Variants in ZNF431 observed in about 807,000 individuals in gnomAD.
ZNF431 encodes the protein zinc finger protein 431.
ZNF431 carries 34 observed loss-of-function variants against 57.0 expected under a neutral mutation model. The observed-to-expected ratio is 0.60, with a 90% CI of 0.45 to 0.79. ZNF431 has a LOEUF of 0.79. Among genes scored for constraint, ZNF431 ranks in the 30% least tolerant of loss-of-function variants. The probability of loss-of-function intolerance (pLI) is 0.00; values close to 1 mark genes in which losing one functional copy is unlikely to be tolerated. For synonymous variants in ZNF431, 207 were observed against 220.3 expected, an observed-to-expected ratio of 0.94 and a Z score of 0.54; for missense variants, 607 against 667.1, an observed-to-expected ratio of 0.91 and a Z score of 0.99.
At chr19:21,175,192 A>G (rs1045596386) in intron 4 of ZNF431, among the ~76,000 whole-genome samples, 4 of 152,134 alleles carry the variant, frequency 2.6e-5, no homozygotes, top group Admixed American at 2.6e-4. Flanking sequence ...CTGGGTTGCA[A>G]ATGTTTGCCA....
intron 2 of ZNF431, among the ~76,000 whole-genome samples, chr19:21,156,022 C>T (rs974031094): frequency 6.6e-6 from 1 of 152,142 alleles, no homozygotes; most frequent in Non-Finnish European, 1.5e-5. Flanking sequence ...ACAGGATTCC[C>T]ACCCACACCC....
intron 4 of ZNF431, among the ~76,000 whole-genome samples, chr19:21,174,334 T>C (rs1288402166): frequency 6.6e-6 from 1 of 152,208 alleles, no homozygotes; most frequent in Non-Finnish European, 1.5e-5. Flanking sequence ...AAATGATGTC[T>C]TGATCGCCAC....
intron 4 of ZNF431, among the ~76,000 whole-genome samples, chr19:21,173,577 C>T (rs1373944809): frequency 6.6e-6 from 1 of 151,838 alleles, no homozygotes; most frequent in East Asian, 1.9e-4. Context: ...CTGTTGTCAC[C>T]CAGGCAATTG....
intron 4 of ZNF431, among the ~76,000 whole-genome samples, chr19:21,181,655 A>G (rs1971213918): frequency 6.7e-6 from 1 of 150,200 alleles, no homozygotes; most frequent in Non-Finnish European, 1.5e-5. Flanking sequence ...TTTCCTTTAC[A>G]ATTTCTGTTT....
At chr19:21,144,329 G>C (rs1040715994) in intron 2 of ZNF431, among the ~76,000 whole-genome samples, 1 of 151,756 alleles carries the variant, frequency 6.6e-6, no homozygotes, top group Non-Finnish European at 1.5e-5. Context: ...CTCCTAAGTA[G>C]CTGAGATTAC....
At chr19:21,179,782 A>T (rs776128746) in intron 4 of ZNF431, among the ~76,000 whole-genome samples, 1 of 151,046 alleles carries the variant, frequency 6.6e-6, no homozygotes, top group African/African-American at 2.4e-5. Flanking sequence ...CTGGTCTCGA[A>T]CTCCCGACCT....
At position 21,184,103 on chromosome 19, in the gene ZNF431, G is replaced by C. The variant is rs1971298850; in HGVS notation, c.*69G>C. On this transcript the variant is annotated 3_prime_UTR_variant, in exon 5 of 5. Coordinates refer to ENST00000311048, the MANE Select transcript of ZNF431 (RefSeq NM_133473.4). ...GGTGGCTTATGCAAAATGGCTCCCA[G>C]CATTTTGGGAGGCTGAGGTGGGTGG... 1 of 1,389,366 alleles carries C rather than the reference G, an allele frequency of 7.2e-7. No individual in the cohort carries two copies. The highest frequency in any genetic ancestry group is 1.5e-5 in the South Asian group (1 of 66,016). The allele number at this position is 1,389,366 out of a possible 1,614,324, so 86.1% of individuals were successfully genotyped here. A position where few individuals can be genotyped will look rare whatever the true frequency, so the allele number is the denominator to read the frequency against.
chr19:21,152,210 G>T (rs1461283900), intron 2 of ZNF431, among the ~76,000 whole-genome samples: 1 of 152,134 alleles, frequency 6.6e-6, no homozygotes, highest in Non-Finnish European at 1.5e-5. Context: ...AGGCAAGATG[G>T]TTACTCTGAG....
At chr19:21,165,523 G>C (rs755354667) in intron 2 of ZNF431, among the ~76,000 whole-genome samples, 3 of 152,194 alleles carry the variant, frequency 2.0e-5, no homozygotes, top group Non-Finnish European at 4.4e-5. Flanking sequence ...TCTTCTGTGT[G>C]CATCAGCACA....
Position 21,167,664 on chromosome 19 carries a change from C to G in ZNF431, c.317C>G (p.Pro106Arg), listed in dbSNP as rs761370746. The change falls in exon 4 of 5, where the codon CCA becomes CGA. Residue 106 changes from proline to arginine, a missense_variant and splice_region_variant. By Grantham distance (103) the Pro-to-Arg change is moderately radical (BLOSUM62 -2). Coordinates refer to ENST00000311048, the MANE Select transcript of ZNF431 (RefSeq NM_133473.4). ...MKRHEMVDEP[P>R]AMCSYFTKDL... Reference sequence around the variant, plus strand: ...AGACATGAGATGGTGGATGAACCCCCAGGTAGGTGAGAGTGAAAAAAAACA... The same window carrying G: ...AGACATGAGATGGTGGATGAACCCCGAGGTAGGTGAGAGTGAAAAAAAACA... 6.4e-7 allele frequency: 1 copy of G among 1,552,616 alleles called. No homozygotes were observed. Among genetic ancestry groups the G allele is most frequent in the Non-Finnish European group, 8.7e-7 (1 of 1,148,572 alleles).
chr19:21,171,797 G>A (rs143930822), intron 4 of ZNF431, among the ~76,000 whole-genome samples: 6,244 of 141,544 alleles, frequency 0.044, 219 homozygotes, highest in Non-Finnish European at 0.065. Context: ...CTCGGCTCAC[G>A]GCAACCTCCA....
At chr19:21,146,666 C>T (rs1293024598) in intron 2 of ZNF431, among the ~76,000 whole-genome samples, 1 of 152,170 alleles carries the variant, frequency 6.6e-6, no homozygotes, top group Non-Finnish European at 1.5e-5. Context: ...TCACTCTCGT[C>T]ACATCTTGGT....
In ZNF431 at chr19:21,184,899, C is replaced by T. The variant is rs553767062; in HGVS notation, c.*865C>T. On this transcript the variant is annotated 3_prime_UTR_variant, in exon 5 of 5. Coordinates refer to ENST00000311048, the MANE Select transcript of ZNF431 (RefSeq NM_133473.4). ...TATAAAAAGGGTTGTAGTGCCTTTACTTGTATCACAGATCTTTTTGTAGAC... is the reference window on the plus strand; with the variant it reads ...TATAAAAAGGGTTGTAGTGCCTTTATTTGTATCACAGATCTTTTTGTAGAC... 1.8e-3 allele frequency: 280 copies of T among 152,260 alleles called. 1 individual carries two copies. Among genetic ancestry groups the T allele is most frequent in the African/African-American group, 6.5e-3 (272 of 41,548 alleles). The allele number at this position is 152,260 out of a possible 1,614,324, so 9.4% of individuals were successfully genotyped here.
In ZNF431 at chr19:21,189,266, CA is replaced by C. The variant is rs770691001; in HGVS notation, c.*5233del. ...TTGGGAGGCCGAGGCAGGCAGATCA[CA>C]TGAGGTCAGGAGTTCGGGACCAGCC... On this transcript the variant is annotated 3_prime_UTR_variant, in exon 5 of 5. Coordinates refer to ENST00000311048, the MANE Select transcript of ZNF431 (RefSeq NM_133473.4). 4 of 152,288 alleles carry C rather than the reference CA, an allele frequency of 2.6e-5. No individual in the cohort carries two copies. The highest frequency in any genetic ancestry group is 5.9e-5 in the Non-Finnish European group (4 of 68,036). 9.4% of individuals were successfully genotyped at this position (152,288 alleles called of 1,614,324 possible).
At position 21,167,585 on chromosome 19, in the gene ZNF431, A is replaced by G. The variant is rs552681934; in HGVS notation, c.238A>G (p.Lys80Glu). ...TAATAAAGCAGGTGTTGCTGTCTCT[A>G]AGCAAGACCCAGTCACCTGTCTGGA... is the stretch of plus-strand genomic sequence containing the variant. Reference protein sequence around the residue: ...NLVFLGVAVSKQDPVTCLEQE... With the variant: ...NLVFLGVAVSEQDPVTCLEQE... Residue 80 changes from lysine (K) to glutamate (E), a missense_variant, in exon 4 of 5, where the codon AAG (lysine) becomes GAG (glutamate). Coordinates refer to ENST00000311048, the MANE Select transcript of ZNF431 (RefSeq NM_133473.4). The G allele has an allele frequency of 6.3e-7, 1 of 1,576,378 alleles. No homozygotes were observed. Among genetic ancestry groups the G allele is most frequent in the African/African-American group, 1.4e-5 (1 of 73,148 alleles).
intron 2 of ZNF431, chr19:21,151,179 C>T (rs1439880406): frequency 1.3e-5 from 2 of 152,162 alleles, no homozygotes; most frequent in Non-Finnish European, 2.9e-5. Flanking sequence ...CCTCAGCCTC[C>T]TGAGTTGCTG....
chr19:21,149,610 T>C, intron 2 of ZNF431: 1 of 248,592 alleles, frequency 4.0e-6, no homozygotes, highest in East Asian at 9.1e-5. Context: ...TGTATTATTT[T>C]AATTATTTTT....
chr19:21,179,830 G>T (rs1234231512), intron 4 of ZNF431, among the ~76,000 whole-genome samples: 3 of 152,212 alleles, frequency 2.0e-5, no homozygotes, highest in Non-Finnish European at 2.9e-5. Context: ...AAAGTGCTGG[G>T]ATTACATGTG....
rs1453975660 is a variant in ZNF431 at position 21,190,180 on chromosome 19, TAAG to T, written c.*6147_*6149del. 3.3e-6 allele frequency: 1 copy of T among 307,552 alleles called. No homozygotes were observed. Among genetic ancestry groups the T allele is most frequent in the Non-Finnish European group, 5.9e-6 (1 of 170,124 alleles). The allele number at this position is 307,552 out of a possible 1,614,324, so 19.1% of individuals were successfully genotyped here. On this transcript the variant is annotated 3_prime_UTR_variant, in exon 5 of 5. Coordinates refer to ENST00000311048, the MANE Select transcript of ZNF431 (RefSeq NM_133473.4). ...TGAGACTCGGTCTCAAGAGGGAAAA[TAAG>T]GCATTTTTCTCATTTAAATAATAAA...
Sources: gnomAD v4.1 joint callset for allele counts (sites outside exome capture counted in the v4.1 genomes callset) on GRCh38, gnomAD v4.1.1 for gene constraint, MANE v1.5 for transcripts, NCBI Gene and HGNC (gene_info 2026-07-23, HGNC 2026-07-21) for gene names.